Variants in DNAH12 observed in about 807,000 individuals in gnomAD.
DNAH12 encodes dynein axonemal heavy chain 12.
A neutral mutation model predicts 371.5 loss-of-function variants in DNAH12; 285 were observed. The ratio of observed to expected loss-of-function variants is 0.77; its 90% CI spans 0.70 to 0.85. DNAH12 has a LOEUF of 0.85. Ranked by LOEUF, DNAH12 falls within the 40% of genes least tolerant of loss-of-function variation. DNAH12 has a pLI of 0.00. For missense variants in DNAH12, 3,611 were observed against 3,689.4 expected, an observed-to-expected ratio of 0.98 and a Z score of 0.55; for synonymous variants, 1,200 against 1,213.0, an observed-to-expected ratio of 0.99 and a Z score of 0.22.
chr3:57,509,263 T>G, intron 5 of DNAH12, 51 bp from the exon 6 acceptor site: 1 of 1,527,848 alleles, frequency 6.5e-7, no homozygotes, highest in South Asian at 1.2e-5. Context: ...GCACAATCTA[T>G]TAATATCAAA....
intron 2 of DNAH12, among the ~76,000 whole-genome samples, chr3:57,532,345 G>A (rs1278478711): frequency 6.6e-6 from 1 of 152,104 alleles, no homozygotes; most frequent in East Asian, 1.9e-4. Flanking sequence ...AGTTCCTGGT[G>A]CCTTATTTAG....
At chr3:57,458,044 T>C (rs540271482) in intron 21 of DNAH12, 41 bp from the exon 22 acceptor site, 1 of 1,539,364 alleles carries the variant, frequency 6.5e-7, no homozygotes, top group Admixed American at 2.1e-5. Context: ...TAGTTATAAT[T>C]CATCACACAT....
chr3:57,397,453 A>G (rs2063768394), intron 43 of DNAH12, among the ~76,000 whole-genome samples: 1 of 152,186 alleles, frequency 6.6e-6, no homozygotes, highest in Non-Finnish European at 1.5e-5. Flanking sequence ...GTTGAACTTG[A>G]GCCCAGAATA....
At chr3:57,322,964 T>C (rs1482984093) in intron 64 of DNAH12, 43 bp downstream of exon 64, 1 of 1,535,866 alleles carries the variant, frequency 6.5e-7, no homozygotes, top group Non-Finnish European at 8.8e-7. Context: ...GATATACAGA[T>C]AGCTAAGTAA....
At chr3:57,531,442 T>G (rs781597207) in intron 2 of DNAH12, among the ~76,000 whole-genome samples, 7 of 152,082 alleles carry the variant, frequency 4.6e-5, no homozygotes, top group Non-Finnish European at 8.8e-5. Context: ...TTTCTTTATC[T>G]TTGAGCTTTG....
chr3:57,370,858 T>G (rs2063155698), intron 55 of DNAH12, among the ~76,000 whole-genome samples: 1 of 152,062 alleles, frequency 6.6e-6, no homozygotes, highest in East Asian at 1.9e-4. Context: ...ACTAGGTCCA[T>G]ATGTTGGGGG....
intron 62 of DNAH12, among the ~76,000 whole-genome samples, chr3:57,325,977 GATGAA>G (rs1295174141): frequency 1.3e-5 from 2 of 151,654 alleles, no homozygotes; most frequent in African/African-American, 4.8e-5. Context: ...AGTGATGGAA[GATGAA>G]ATGAAGCGAG....
chr3:57,325,860 G>T (rs988409889), intron 62 of DNAH12, among the ~76,000 whole-genome samples: 2 of 152,210 alleles, frequency 1.3e-5, no homozygotes, highest in Admixed American at 6.5e-5. Flanking sequence ...AACCAATACA[G>T]AGAAGTGCTT....
intron 39 of DNAH12, among the ~76,000 whole-genome samples, chr3:57,412,288 C>T (rs368877710): frequency 1.3e-5 from 2 of 152,010 alleles, no homozygotes; most frequent in Non-Finnish European, 2.9e-5. Flanking sequence ...AATTTTACAC[C>T]CTTTACAACA....
chr3:57,350,153 G>A (rs2062636797), intron 60 of DNAH12, among the ~76,000 whole-genome samples: 1 of 152,132 alleles, frequency 6.6e-6, no homozygotes, highest in African/African-American at 2.4e-5. Context: ...GGGGGGTGGA[G>A]AGGGATAAGA....
At chr3:57,483,317 C>T in intron 13 of DNAH12, 59 bp downstream of exon 13, 1 of 1,516,788 alleles carries the variant, frequency 6.6e-7, no homozygotes, top group African/African-American at 1.4e-5. Context: ...ACATCTTCAC[C>T]ATGAAAATAA....
At chr3:57,299,040 G>C (rs2107647438) in intron 70 of DNAH12, among the ~76,000 whole-genome samples, 1 of 152,342 alleles carries the variant, frequency 6.6e-6, no homozygotes, top group South Asian at 2.1e-4. Context: ...ATAGGAGGAA[G>C]AGAACAAACT....
chr3:57,335,483 C>T (rs782249482), intron 60 of DNAH12, among the ~76,000 whole-genome samples: 11 of 152,096 alleles, frequency 7.2e-5, no homozygotes, highest in African/African-American at 2.2e-4. Flanking sequence ...TGTTGTTAGG[C>T]GATTTCATCA....
chr3:57,361,444 C>CACACTATATATATATATATATA (rs1409626573), intron 58 of DNAH12, among the ~76,000 whole-genome samples: 11 of 116,692 alleles, frequency 9.4e-5, no homozygotes, highest in African/African-American at 4.6e-4. Flanking sequence ...CACACACACA[C>CACACTATATATATATATATATA]TATATATATA....
intron 43 of DNAH12, among the ~76,000 whole-genome samples, chr3:57,397,841 G>C (rs1164710750): frequency 2.6e-5 from 4 of 152,130 alleles, no homozygotes; most frequent in African/African-American, 9.7e-5. Flanking sequence ...CATAATGATT[G>C]GGAGGGGTGG....
At chr3:57,306,096 C>G (rs976689612) in intron 69 of DNAH12, among the ~76,000 whole-genome samples, 18 of 152,318 alleles carry the variant, frequency 1.2e-4, no homozygotes, top group African/African-American at 4.1e-4. Flanking sequence ...CCCTGGAACT[C>G]TGGCCCAAGG....
chr3:57,339,682 A>G (rs2062345345), intron 60 of DNAH12, among the ~76,000 whole-genome samples: 1 of 152,216 alleles, frequency 6.6e-6, no homozygotes, highest in Non-Finnish European at 1.5e-5. Flanking sequence ...CAATGGAATA[A>G]AAGTATAAAC....
intron 58 of DNAH12, among the ~76,000 whole-genome samples, chr3:57,357,696 C>A (rs1293367834): frequency 6.6e-6 from 1 of 152,170 alleles, no homozygotes. Context: ...TATTCTTTGA[C>A]TGACTGACCT....
In DNAH12 at chr3:57,309,184, G is replaced by A; in HGVS notation, c.11156C>T (p.Thr3719Ile). ...YPVRYEESMN[T>I]VLVQEMERFN... ...TCTTTCCATTTCTTGTACTAACACA[G>A]TATTCATGCTTTCTTCATATCTCAC... The change falls in exon 69 of 74, where the codon ACT becomes ATT. Residue 3719 changes from threonine to isoleucine, a missense_variant. This residue lies in a region of DNAH12 where 2,266 missense variants were observed against 2,236.9 expected (regional missense o/e 1.01). Transcript: ENST00000495027. 2 of 1,549,666 alleles carry A rather than the reference G, an allele frequency of 1.3e-6. No homozygotes were observed. Among genetic ancestry groups the A allele is most frequent in the Non-Finnish European group, 1.7e-6 (2 of 1,146,448 alleles).
Sources: allele counts gnomAD v4.1 joint callset (sites outside exome capture counted in the v4.1 genomes callset), GRCh38; gene constraint gnomAD v4.1.1; regional missense constraint gnomAD v4.1.1; transcripts MANE v1.5; gene names NCBI Gene and HGNC (gene_info 2026-07-23, HGNC 2026-07-21).